FTO: variants seen among roughly 807,000 people sequenced by gnomAD.
The protein encoded by FTO is alpha-ketoglutarate-dependent dioxygenase FTO.
A neutral mutation model predicts 63.9 loss-of-function variants in FTO; 47 were observed. The observed-to-expected ratio is 0.74, with a 90% confidence interval of 0.58 to 0.94. FTO has a LOEUF of 0.94. Ranked by LOEUF, FTO falls within the 40% of genes least tolerant of loss-of-function variation. The pLI is 0.00. For synonymous variants in FTO, 207 were observed against 224.4 expected, an observed-to-expected ratio of 0.92 and a Z score of 0.69; for missense variants, 562 against 618.1, an observed-to-expected ratio of 0.91 and a Z score of 0.96.
chr16:53,982,181 GAAGGCATT>G (rs2083562109), intron 8 of FTO, among the ~76,000 whole-genome samples: 1 of 152,054 alleles, frequency 6.6e-6, no homozygotes, highest in African/African-American at 2.4e-5. Context: ...TCTGTTATTA[GAAGGCATT>G]AAGAAGGAGG....
At chr16:53,887,429 C>G (rs1338597189) in intron 6 of FTO, among the ~76,000 whole-genome samples, 4 of 152,088 alleles carry the variant, frequency 2.6e-5, no homozygotes, top group Non-Finnish European at 5.9e-5. Flanking sequence ...CTGGAGCCTC[C>G]TCAGACCACA....
At chr16:53,982,979 G>A (rs2083581279) in intron 8 of FTO, among the ~76,000 whole-genome samples, 1 of 152,026 alleles carries the variant, frequency 6.6e-6, no homozygotes, top group Non-Finnish European at 1.5e-5. Context: ...GTTTTTTTCT[G>A]TTTGTGTTTT....
At position 53,764,471 on chromosome 16, in the gene FTO, A is replaced by C. The variant is rs569983154; in HGVS notation, c.46-45669A>C. 2.8e-3 allele frequency among the ~76,000 whole-genome samples: 353 copies of C among 125,422 alleles called. 1 individual carries two copies. The highest frequency in any genetic ancestry group is 7.7e-3 in the Middle Eastern group (2 of 260). 82.3% of individuals were successfully genotyped at this position (125,422 alleles called of 152,430 possible). On this transcript the variant is annotated intron_variant, in intron 1 of 8. Transcript: ENST00000471389. ...ATGGTGAAACCCCATCTCTACTAAA[A>C]ATACAAAAAAAAAAAAAAAAGAAAA...
chr16:54,055,231 T>A (rs2085404559), intron 8 of FTO, among the ~76,000 whole-genome samples: 1 of 152,162 alleles, frequency 6.6e-6, no homozygotes, highest in Non-Finnish European at 1.5e-5. Flanking sequence ...TAGAGAAGTA[T>A]CTTGAAGAGG....
intron 1 of FTO, among the ~76,000 whole-genome samples, chr16:53,783,219 C>T (rs2077631839): frequency 6.6e-6 from 1 of 152,050 alleles, no homozygotes; most frequent in Admixed American, 6.6e-5. Flanking sequence ...CGGTGGCTCA[C>T]TCCTGTAATC....
chr16:53,736,559 C>T (rs191635592), intron 1 of FTO, among the ~76,000 whole-genome samples: 111 of 152,250 alleles, frequency 7.3e-4, no homozygotes, highest in Middle Eastern at 6.8e-3. Context: ...TTTAGGGTGT[C>T]TCAAAATACC....
Position 53,879,827 on chromosome 16 carries a change from T to C in FTO, c.976-17T>C, listed in dbSNP as rs768704828. 4 of 1,613,740 alleles carry C rather than the reference T, an allele frequency of 2.5e-6. No individual in the cohort carries two copies. The African/African-American group carries it at 5.3e-5, about 22-fold the overall frequency. ...AGATTTTGCCCATAATTGTGATTGC[T>C]GGTTCTGTCTCAACAGTGCTCAACA... is the stretch of plus-strand genomic sequence containing the variant. On this transcript the variant is annotated splice_polypyrimidine_tract_variant and intron_variant, in intron 5 of 8. Transcript: ENST00000471389.
intron 8 of FTO, chr16:54,013,354 TG>T (rs1456938561): frequency 3.4e-5 from 2 of 58,870 alleles, no homozygotes; most frequent in Non-Finnish European, 6.7e-5. Flanking sequence ...ATCAGCAAAG[TG>T]TTTTTTTTTT....
intron 1 of FTO, among the ~76,000 whole-genome samples, chr16:53,780,000 C>T (rs2077548635): frequency 6.6e-6 from 1 of 152,200 alleles, no homozygotes; most frequent in Admixed American, 6.5e-5. Context: ...ACAGTCTTCT[C>T]CCTCTCATAA....
chr16:53,888,953 T>G lies in FTO; in HGVS notation c.1239+2T>G. 2 of 1,614,026 alleles carry G rather than the reference T, an allele frequency of 1.2e-6. No homozygotes were observed. Among genetic ancestry groups the G allele is most frequent in the Non-Finnish European group, 1.7e-6 (2 of 1,179,898 alleles). Reference sequence around the variant, plus strand: ...CTGTGGAAGAAGATGGAGGGTGTGGTAAGTCCATCAGACCTGGGACCGTGT... The same window carrying G: ...CTGTGGAAGAAGATGGAGGGTGTGGGAAGTCCATCAGACCTGGGACCGTGT... On this transcript the variant is annotated splice_donor_variant, in intron 7 of 8. Coordinates refer to ENST00000471389, the MANE Select transcript of FTO (RefSeq NM_001080432.3). LOFTEE classifies it high-confidence loss of function.
intron 1 of FTO, among the ~76,000 whole-genome samples, chr16:53,763,799 T>G (rs1163997974): frequency 4.6e-5 from 7 of 152,200 alleles, no homozygotes; most frequent in Admixed American, 4.6e-4. Flanking sequence ...ACAAAGAAAT[T>G]TTTAGTCTAA....
intron 8 of FTO, among the ~76,000 whole-genome samples, chr16:54,067,138 TG>T (rs869168845): frequency 2.9e-4 from 6 of 20,398 alleles, no homozygotes; most frequent in African/African-American, 2.3e-4. Context: ...TGGTTGTTGT[TG>T]TTTTTTTTTT....
At chr16:53,712,210 G>T (rs1015489980) in intron 1 of FTO, among the ~76,000 whole-genome samples, 1 of 152,012 alleles carries the variant, frequency 6.6e-6, no homozygotes, top group African/African-American at 2.4e-5. Flanking sequence ...TCCTGAGAAG[G>T]TTCTTTTGGA....
chr16:53,938,548 G>A (rs2082445533), intron 8 of FTO, among the ~76,000 whole-genome samples: 1 of 152,212 alleles, frequency 6.6e-6, no homozygotes. Context: ...CATTCAGTGA[G>A]CATCTTTTTG....
chr16:54,057,517 G>A (rs1465279248), intron 8 of FTO, among the ~76,000 whole-genome samples: 1 of 152,176 alleles, frequency 6.6e-6, no homozygotes, highest in Non-Finnish European at 1.5e-5. Context: ...AGGCTGGAGT[G>A]CAGTGGCACG....
At chr16:53,929,845 C>T (rs1473534243) in intron 7 of FTO, among the ~76,000 whole-genome samples, 1 of 152,148 alleles carries the variant, frequency 6.6e-6, no homozygotes, top group Non-Finnish European at 1.5e-5. Context: ...TTGGGAGTTG[C>T]ATGTAAGGAT....
intron 6 of FTO, among the ~76,000 whole-genome samples, chr16:53,884,875 A>G (rs910388111): frequency 1.3e-5 from 2 of 152,174 alleles, no homozygotes; most frequent in African/African-American, 4.8e-5. Flanking sequence ...GAGCTCCTGC[A>G]GGTTGTTTCC....
intron 8 of FTO, among the ~76,000 whole-genome samples, chr16:54,102,798 ACT>A (rs1207627257): frequency 2.0e-5 from 3 of 151,964 alleles, no homozygotes; most frequent in African/African-American, 7.3e-5. Flanking sequence ...CACAGGAAGG[ACT>A]CTCTAATTAT....
intron 2 of FTO, among the ~76,000 whole-genome samples, chr16:53,814,282 A>G (rs2078613542): frequency 6.6e-6 from 1 of 152,190 alleles, no homozygotes; most frequent in African/African-American, 2.4e-5. Flanking sequence ...TCAGAAAACA[A>G]ACTCTGACTT....
Sources: allele counts gnomAD v4.1 joint callset (sites outside exome capture counted in the v4.1 genomes callset), GRCh38; gene constraint gnomAD v4.1.1; transcripts MANE v1.5; gene names NCBI Gene and HGNC (gene_info 2026-07-23, HGNC 2026-07-21).